The following KDM7A variants were observed in gnomAD, a reference collection of about 807,000 sequenced individuals.
KDM7A encodes lysine-specific demethylase 7A.
A neutral mutation model predicts 114.8 loss-of-function variants in KDM7A; 28 were observed. The ratio of observed to expected loss-of-function variants is 0.24; its 90% CI spans 0.18 to 0.33. The LOEUF is 0.33. KDM7A is among the 10% of genes least tolerant of loss of function. KDM7A has a pLI of 1.00. For missense variants in KDM7A, 942 were observed against 1,142.5 expected (o/e 0.82, Z 2.53); for synonymous variants, 423 against 397.8 (o/e 1.06, Z -0.75).
chr7:140,175,711 C>T (rs527812127), intron 1 of KDM7A, among the ~76,000 whole-genome samples: 61 of 152,244 alleles, frequency 4.0e-4, no homozygotes, highest in African/African-American at 1.1e-3. Flanking sequence ...GGCCCGAGCT[C>T]TCAAACGTCA....
At chr7:140,134,699 T>A (rs992372003) in intron 2 of KDM7A, among the ~76,000 whole-genome samples, 1 of 152,174 alleles carries the variant, frequency 6.6e-6, no homozygotes, top group African/African-American at 2.4e-5. Flanking sequence ...CATGGATAGA[T>A]ATGTGTTAGA....
At chr7:140,167,072 A>G (rs1317775635) in intron 1 of KDM7A, among the ~76,000 whole-genome samples, 1 of 152,200 alleles carries the variant, frequency 6.6e-6, no homozygotes, top group Non-Finnish European at 1.5e-5. Context: ...ACAAAGAAAA[A>G]TTAAAAACAC....
intron 1 of KDM7A, among the ~76,000 whole-genome samples, chr7:140,171,738 C>T (rs1039647961): frequency 7.9e-5 from 12 of 151,638 alleles, no homozygotes; most frequent in Non-Finnish European, 1.3e-4. Context: ...CCTAGCCCCA[C>T]TTATGCCTGT....
At chr7:140,124,297 T>C (rs898660063) in intron 7 of KDM7A, among the ~76,000 whole-genome samples, 2 of 65,578 alleles carry the variant, frequency 3.0e-5, no homozygotes, top group Admixed American at 1.3e-4. Context: ...TGGAATTAGA[T>C]AGTGGTGATA....
intron 3 of KDM7A, among the ~76,000 whole-genome samples, chr7:140,132,116 G>A (rs1818797013): frequency 6.6e-6 from 1 of 152,154 alleles, no homozygotes. Flanking sequence ...AAATAGGGGA[G>A]GGGAAAGATA....
chr7:140,123,285 G>C (rs1818644448), intron 7 of KDM7A, among the ~76,000 whole-genome samples: 1 of 152,092 alleles, frequency 6.6e-6, no homozygotes, highest in Non-Finnish European at 1.5e-5. Context: ...AATTCCTCAA[G>C]AAGTTAAACG....
At chr7:140,107,993 A>G (rs1818367829) in intron 11 of KDM7A, among the ~76,000 whole-genome samples, 1 of 151,782 alleles carries the variant, frequency 6.6e-6, no homozygotes, top group Non-Finnish European at 1.5e-5. Flanking sequence ...TTTTCTCTAA[A>G]CTTCTCTTCT....
intron 9 of KDM7A, among the ~76,000 whole-genome samples, chr7:140,113,914 G>A (rs1021115308): frequency 6.6e-6 from 1 of 151,986 alleles, no homozygotes. Flanking sequence ...CCAAAGTGCT[G>A]GGATTATAGG....
chr7:140,141,792 G>A (rs1227022943), intron 1 of KDM7A, among the ~76,000 whole-genome samples: 4 of 151,466 alleles, frequency 2.6e-5, no homozygotes, highest in Non-Finnish European at 5.9e-5. Context: ...TACTTGGGAG[G>A]CTGAGCCAGG....
At chr7:140,099,089 G>A (rs1818160553) in intron 13 of KDM7A, 56 bp from the exon 14 acceptor site, 1 of 1,286,830 alleles carries the variant, frequency 7.8e-7, no homozygotes, top group South Asian at 1.3e-5. Flanking sequence ...TAGCCAAACA[G>A]TATTTATTCC....
chr7:140,113,552 G>C lies in KDM7A; in HGVS notation c.1277C>G (p.Thr426Ser). Reference sequence around the variant, plus strand: ...TGCTTTCACTCCCTGTACTAGGTAAGTTTGAGGCTGGAAACCATCTTCTCT... The same window carrying C: ...TGCTTTCACTCCCTGTACTAGGTAACTTTGAGGCTGGAAACCATCTTCTCT... ...ELREDGFQPQ[T>S]YLVQGVKALH... Residue 426 changes from threonine (T) to serine (S), a missense_variant, in exon 10 of 20, where the codon ACT becomes AGT. Physicochemically the swap from Thr to Ser is moderately conservative, Grantham distance 58. Coordinates refer to ENST00000397560, the MANE Select transcript of KDM7A (RefSeq NM_030647.2). The C allele has an allele frequency of 6.2e-7, 1 of 1,604,916 alleles. No homozygotes were observed. Among genetic ancestry groups the C allele is most frequent in the Non-Finnish European group, 8.5e-7 (1 of 1,173,154 alleles).
At chr7:140,149,836 G>A (rs1469847026) in intron 1 of KDM7A, among the ~76,000 whole-genome samples, 1 of 152,098 alleles carries the variant, frequency 6.6e-6, no homozygotes, top group Non-Finnish European at 1.5e-5. Context: ...TTTCATAAAG[G>A]TTTGCTTGGC....
rs191516638 is a variant in KDM7A at position 140,170,091 on chromosome 7, T to C, written c.194+6653A>G. Among the ~76,000 whole-genome samples the C allele has an allele frequency of 3.8e-3, 575 of 152,248 alleles. 3 individuals carry two copies. The highest frequency in any genetic ancestry group is 0.013 in the African/African-American group (546 of 41,568). The stretch of plus-strand genomic sequence containing the variant: ...CCTAATAAGTTTATGACACCAATCA[T>C]GAAGGTGAAATGTATATTAAACAAA... On this transcript the variant is annotated intron_variant, in intron 1 of 19. Transcript: ENST00000397560.
chr7:140,113,985 A>T (rs1397793423), intron 9 of KDM7A, among the ~76,000 whole-genome samples: 1 of 152,194 alleles, frequency 6.6e-6, no homozygotes, highest in Non-Finnish European at 1.5e-5. Context: ...ATACCATATT[A>T]AAAAATATAG....
chr7:140,147,891 T>C (rs897549405), intron 1 of KDM7A, among the ~76,000 whole-genome samples: 7 of 152,228 alleles, frequency 4.6e-5, no homozygotes, highest in African/African-American at 1.7e-4. Context: ...CTACTTGTTT[T>C]GACTTGGAGC....
chr7:140,114,708 C>T (rs1361909719), intron 9 of KDM7A, among the ~76,000 whole-genome samples: 6 of 151,942 alleles, frequency 3.9e-5, no homozygotes, highest in South Asian at 2.1e-4. Context: ...GCTGCCATCC[C>T]GTCTAGGAAG....
At chr7:140,147,900 G>A (rs994540164) in intron 1 of KDM7A, among the ~76,000 whole-genome samples, 2 of 152,174 alleles carry the variant, frequency 1.3e-5, no homozygotes, top group African/African-American at 4.8e-5. Context: ...TTGACTTGGA[G>A]CAGGTTTCTC....
In KDM7A at chr7:140,120,453, G is replaced by C. The variant is rs1818600498; in HGVS notation, c.1128C>G (p.Gly376=). 6.2e-7 allele frequency: 1 copy of C among 1,606,898 alleles called. No individual in the cohort carries two copies. Among genetic ancestry groups the C allele is most frequent in the Non-Finnish European group, 8.5e-7 (1 of 1,173,714 alleles). ...GGNFLHNLNI[G]MQLRCYEMEK... ...CTGATGACACAAACCTGAGCTGCAT[G>C]CCAATGTTAAGGTTGTGCAGGAAGT... The change falls in exon 8 of 20, where the codon GGC becomes GGG. Residue 376 remains glycine (G), a synonymous_variant. Coordinates refer to ENST00000397560, the MANE Select transcript of KDM7A (RefSeq NM_030647.2).
Position 140,129,650 on chromosome 7 carries a change from G to A in KDM7A, c.402C>T (p.Ala134=), listed in dbSNP as rs368815114. Residue 134 remains alanine, a synonymous_variant, in exon 4 of 20, where the codon GCC becomes GCT. Coordinates refer to ENST00000397560, the MANE Select transcript of KDM7A (RefSeq NM_030647.2). ...CATGCATCTTTATAATTATTTCATC[G>A]GCACTAAGGAAAAACATAAGAATAA... ...KELRSRVFPS[A]DEIIIKMHGS... 28 of 1,595,036 alleles carry A rather than the reference G, an allele frequency of 1.8e-5. No individual in the cohort carries two copies. Among genetic ancestry groups the A allele is most frequent in the African/African-American group, 4.0e-5 (3 of 74,076 alleles).
Sources: allele counts gnomAD v4.1 joint callset (sites outside exome capture counted in the v4.1 genomes callset), GRCh38; gene constraint gnomAD v4.1.1; transcripts MANE v1.5; gene names NCBI Gene and HGNC (gene_info 2026-07-23, HGNC 2026-07-21).